Variants in WNK2 observed in about 807,000 individuals in gnomAD.
WNK2 encodes the protein serine/threonine-protein kinase WNK2.
Under a neutral mutation model 192.1 loss-of-function variants are expected in WNK2, and 67 were observed. The ratio of observed to expected loss-of-function variants is 0.35; its 90% CI spans 0.29 to 0.43. WNK2 has a LOEUF of 0.43. Ranked by LOEUF, WNK2 falls within the 20% of genes least tolerant of loss-of-function variation. The probability of loss-of-function intolerance (pLI) is 1.00; values close to 1 mark genes in which losing one functional copy is unlikely to be tolerated. For synonymous variants in WNK2, 1,439 were observed against 1,393.9 expected (o/e 1.03, Z -0.72); for missense variants, 2,698 against 3,089.7 (o/e 0.87, Z 3.01).
intron 2 of WNK2, among the ~76,000 whole-genome samples, chr9:93,210,558 C>T (rs762944820): frequency 1.7e-4 from 26 of 152,140 alleles, no homozygotes; most frequent in African/African-American, 5.8e-4. Context: ...ACATCAGCCT[C>T]GTGACCTTTG....
intron 2 of WNK2, among the ~76,000 whole-genome samples, chr9:93,225,451 T>C (rs1207985241): frequency 1.3e-5 from 2 of 152,108 alleles, no homozygotes; most frequent in East Asian, 3.9e-4. Context: ...AGTCGTGTGG[T>C]GTAGAATATA....
At chr9:93,308,839 C>T (rs762491245) in intron 28 of WNK2, 88 of 1,385,600 alleles carry the variant, frequency 6.4e-5, no homozygotes, top group Non-Finnish European at 8.1e-5. Flanking sequence ...TGTGACTCCA[C>T]AGCTCAGATA....
intron 19 of WNK2, among the ~76,000 whole-genome samples, chr9:93,275,774 A>G (rs1307435935): frequency 6.6e-6 from 1 of 152,282 alleles, no homozygotes; most frequent in Non-Finnish European, 1.5e-5. Context: ...ATACGCAGTC[A>G]TCATACAAAA....
chr9:93,281,446 T>C (rs571541113), intron 19 of WNK2, among the ~76,000 whole-genome samples: 106 of 152,114 alleles, frequency 7.0e-4, no homozygotes, highest in Non-Finnish European at 1.2e-3. Flanking sequence ...GAGGATGGAT[T>C]GTACACTGCC....
At chr9:93,199,670 G>A (rs1266959523) in intron 2 of WNK2, among the ~76,000 whole-genome samples, 1 of 152,108 alleles carries the variant, frequency 6.6e-6, no homozygotes, top group Non-Finnish European at 1.5e-5. Flanking sequence ...AGGCCGAGGC[G>A]GGTGGATCAC....
intron 25 of WNK2, among the ~76,000 whole-genome samples, chr9:93,299,771 T>C (rs980131856): frequency 1.3e-5 from 2 of 152,216 alleles, no homozygotes; most frequent in African/African-American, 4.8e-5. Flanking sequence ...GGTGCTCTCC[T>C]GTCCTCACCA....
Position 93,300,126 on chromosome 9 carries a change from G to A in WNK2, c.6191G>A (p.Ser2064Asn). The A allele has an allele frequency of 1.2e-6, 2 of 1,613,336 alleles. No individual in the cohort carries two copies. The highest frequency in any genetic ancestry group is 4.5e-5 in the East Asian group (2 of 44,888). Reference protein sequence around the residue: ...SSSKPRARFLSGPVSVSIWSA... With the variant: ...SSSKPRARFLNGPVSVSIWSA... ...AGCAAACCTCGTGCTCGATTCCTCAGTGGACCCGTATCTGTGTCCATCTGT... is the reference window on the plus strand; with the variant it reads ...AGCAAACCTCGTGCTCGATTCCTCAATGGACCCGTATCTGTGTCCATCTGT... Residue 2064 changes from serine to asparagine, a missense_variant, in exon 26 of 30, where the codon AGT (serine) becomes AAT (asparagine). Ser to Asn is a conservative substitution (Grantham distance 46). Around this residue, in one of 7 missense-constraint regions of WNK2, gnomAD observed 29 missense variants for 55.6 expected, o/e 0.52. Coordinates refer to ENST00000427277, the MANE Select transcript of WNK2 (RefSeq NM_006648.4).
At chr9:93,313,509 CCTTGT>C (rs1854038369) in intron 28 of WNK2, among the ~76,000 whole-genome samples, 1 of 151,230 alleles carries the variant, frequency 6.6e-6, no homozygotes, top group African/African-American at 2.4e-5. Flanking sequence ...CTTTATATTG[CCTTGT>C]CTTTTCTTGT....
In WNK2 at chr9:93,308,479, G is replaced by C; in HGVS notation, c.6411G>C (p.Val2137=). The change falls in exon 28 of 30, where the codon GTG becomes GTC. Residue 2137 remains valine (V), a synonymous_variant. Transcript: ENST00000427277. ...KLVDEWTSKT[V]GAAQLKPTLN... ...TGGACGAGTGGACGAGCAAGACGGTGGGGGCCGCGCAGCTGAAGCCCACGC... is the reference window on the plus strand; with the variant it reads ...TGGACGAGTGGACGAGCAAGACGGTCGGGGCCGCGCAGCTGAAGCCCACGC... The C allele has an allele frequency of 1.2e-6, 2 of 1,609,394 alleles. No individual in the cohort carries two copies. Among genetic ancestry groups the C allele is most frequent in the Non-Finnish European group, 1.7e-6 (2 of 1,178,410 alleles).
At chr9:93,280,936 G>A (rs970216538) in intron 19 of WNK2, among the ~76,000 whole-genome samples, 4 of 152,168 alleles carry the variant, frequency 2.6e-5, no homozygotes, top group African/African-American at 9.7e-5. Flanking sequence ...CAGCATGGAT[G>A]ATTTTCAGAA....
chr9:93,288,956 C>T lies in WNK2; in HGVS notation c.4202C>T (p.Pro1401Leu), dbSNP rs921168335. Residue 1401 changes from proline (P) to leucine (L), a missense_variant, in exon 20 of 30, where the codon CCA becomes CTA. Around this residue, in one of 7 missense-constraint regions of WNK2, gnomAD observed 1,098 missense variants for 1,101.0 expected, o/e 1.00. Coordinates refer to ENST00000427277, the MANE Select transcript of WNK2 (RefSeq NM_006648.4). ...GCTCTGCCCCAAGATGGAGCAGCTCCAGCCACCAGCACCATGCCAGAGCCA... is the reference window on the plus strand; with the variant it reads ...GCTCTGCCCCAAGATGGAGCAGCTCTAGCCACCAGCACCATGCCAGAGCCA... Reference protein sequence around the residue: ...VTALPQDGAAPATSTMPEPAS... With the variant: ...VTALPQDGAALATSTMPEPAS... 5 of 1,605,042 alleles carry T rather than the reference C, an allele frequency of 3.1e-6. No individual in the cohort carries two copies. Among genetic ancestry groups the T allele is most frequent in the Middle Eastern group, 1.7e-4 (1 of 6,034 alleles).
intron 4 of WNK2, among the ~76,000 whole-genome samples, chr9:93,233,869 G>A (rs375854572): frequency 1.5e-3 from 229 of 152,300 alleles, no homozygotes; most frequent in Middle Eastern, 0.01. Flanking sequence ...CAGCTGTACT[G>A]AAGTCTCTAG....
Position 93,257,017 on chromosome 9 carries a change from C to A in WNK2, c.2260C>A (p.Pro754Thr). The A allele has an allele frequency of 6.2e-7, 1 of 1,603,070 alleles. No individual in the cohort carries two copies. ...LAPQPVVPLQ[P>T]VPPHLPPYLA... Reference sequence around the variant, plus strand: ...CCCACAGCCCGTGGTCCCCCTCCAGCCGGTTCCCCCCCACCTGCCACCGTA... The same window carrying A: ...CCCACAGCCCGTGGTCCCCCTCCAGACGGTTCCCCCCCACCTGCCACCGTA... Residue 754 changes from proline (P) to threonine (T), a missense_variant, in exon 11 of 30, where the codon CCG becomes ACG. This residue lies in a region of WNK2 where 893 missense variants were observed against 909.0 expected (regional missense o/e 0.98). Transcript: ENST00000427277. This position sits in a 1 kb window ranked among gnomAD's most constrained non-coding sequence, Gnocchi z 4.7.
At chr9:93,210,946 G>A (rs1322420524) in intron 2 of WNK2, among the ~76,000 whole-genome samples, 2 of 152,032 alleles carry the variant, frequency 1.3e-5, no homozygotes, top group Non-Finnish European at 2.9e-5. Flanking sequence ...ACCCTCATGC[G>A]CTCATATCAT....
rs1005781084 is a variant in WNK2 at position 93,229,321 on chromosome 9, G to A, written c.682-375G>A. Reference sequence around the variant, plus strand: ...AGTACTTCTTCTGAGTTGTGTATACGTTAGAAGTAAACTGATGATCCATTC... The same window carrying A: ...AGTACTTCTTCTGAGTTGTGTATACATTAGAAGTAAACTGATGATCCATTC... On this transcript the variant is annotated intron_variant, in intron 2 of 29. Transcript: ENST00000427277. The surrounding 1 kb of genome is among the most constrained non-coding windows in gnomAD (Gnocchi z 4.9). 1.3e-4 allele frequency among the ~76,000 whole-genome samples: 20 copies of A among 152,184 alleles called. No individual in the cohort carries two copies. The highest frequency in any genetic ancestry group is 1.9e-4 in the Non-Finnish European group (13 of 68,038).
Position 93,258,902 on chromosome 9 carries a change from A to C in WNK2, c.2383-29A>C, listed in dbSNP as rs537510980. On this transcript the variant is annotated intron_variant, in intron 11 of 29. Coordinates refer to ENST00000427277, the MANE Select transcript of WNK2 (RefSeq NM_006648.4). ...TGGGCAGGGACCCTGGTTGGGGCCC[A>C]CACTGACACACTCCTGTGTCTCTTT... 1.9e-6 allele frequency: 3 copies of C among 1,585,722 alleles called. No homozygotes were observed. The East Asian group carries it at 6.7e-5, about 36-fold the overall frequency.
In WNK2 at chr9:93,214,326, C is replaced by T. The variant is rs144865361; in HGVS notation, c.682-15370C>T. Among the ~76,000 whole-genome samples, 1,106 of 151,862 alleles carry T rather than the reference C, an allele frequency of 7.3e-3. 15 individuals carry two copies. Among genetic ancestry groups the T allele is most frequent in the African/African-American group, 0.024 (993 of 41,426 alleles). On this transcript the variant is annotated intron_variant, in intron 2 of 29. Transcript: ENST00000427277. ...ATTTATTTATTTATTTATTTTGAGACGGAGTCTTGCTCTGTGGCCCAGGCT... is the reference window on the plus strand; with the variant it reads ...ATTTATTTATTTATTTATTTTGAGATGGAGTCTTGCTCTGTGGCCCAGGCT...
At chr9:93,208,577 T>C (rs1425616570) in intron 2 of WNK2, among the ~76,000 whole-genome samples, 1 of 152,020 alleles carries the variant, frequency 6.6e-6, no homozygotes, top group East Asian at 1.9e-4. Context: ...ACGTGTGTAT[T>C]TGGTGTGTTC....
At chr9:93,196,700 T>A (rs994623739) in intron 2 of WNK2, among the ~76,000 whole-genome samples, 1 of 152,228 alleles carries the variant, frequency 6.6e-6, no homozygotes, top group African/African-American at 2.4e-5. Context: ...GTAACTGTGC[T>A]TGTATCTGGG....
Sources: gnomAD v4.1 joint callset for allele counts (sites outside exome capture counted in the v4.1 genomes callset) on GRCh38, gnomAD v4.1.1 for gene constraint, gnomAD v4.1.1 regional missense constraint, Gnocchi (gnomAD v3.1) non-coding constraint, MANE v1.5 for transcripts, NCBI Gene and HGNC (gene_info 2026-07-23, HGNC 2026-07-21) for gene names.